RASGEF1C: variants seen among roughly 807,000 people sequenced by gnomAD.
RASGEF1C encodes the protein RasGEF domain family member 1C.
Under a neutral mutation model 58.1 loss-of-function variants are expected in RASGEF1C, and 27 were observed. The ratio of observed to expected loss-of-function variants is 0.46; its 90% CI spans 0.34 to 0.64. The LOEUF is 0.64. RASGEF1C is among the 30% of genes least tolerant of loss of function. The pLI, the probability that RASGEF1C is intolerant of heterozygous loss-of-function variation, is 0.01. For synonymous variants in RASGEF1C, 243 were observed against 246.3 expected, an observed-to-expected ratio of 0.99 and a Z score of 0.13; for missense variants, 502 against 605.1, an observed-to-expected ratio of 0.83 and a Z score of 1.79.
intron 1 of RASGEF1C, among the ~76,000 whole-genome samples, chr5:180,152,234 G>A (rs4700885): frequency 0.58 from 88,582 of 151,662 alleles, 27,148 homozygotes; most frequent in Non-Finnish European, 0.67. Flanking sequence ...TACCCAAAGG[G>A]TTATAAATCA....
At chr5:180,110,297 A>G (rs1342618854) in intron 12 of RASGEF1C, among the ~76,000 whole-genome samples, 1 of 152,010 alleles carries the variant, frequency 6.6e-6, no homozygotes, top group Non-Finnish European at 1.5e-5. Context: ...ATAGGGGTGA[A>G]AGCCCCTCCA....
intron 1 of RASGEF1C, among the ~76,000 whole-genome samples, chr5:180,145,792 T>C (rs1283696486): frequency 2.0e-5 from 3 of 152,236 alleles, no homozygotes; most frequent in Non-Finnish European, 4.4e-5. Flanking sequence ...CCCACAGAAC[T>C]GGAGCTCACG....
At chr5:180,140,085 GGGCCT>G (rs1264468432) in intron 1 of RASGEF1C, among the ~76,000 whole-genome samples, 1 of 152,174 alleles carries the variant, frequency 6.6e-6, no homozygotes, top group Non-Finnish European at 1.5e-5. Context: ...AGGGGACCTG[GGGCCT>G]GGCCTGGACC....
At chr5:180,133,570 C>G (rs1766405531) in intron 4 of RASGEF1C, among the ~76,000 whole-genome samples, 1 of 152,014 alleles carries the variant, frequency 6.6e-6, no homozygotes, top group African/African-American at 2.4e-5. Flanking sequence ...ACAGCACTTT[C>G]TATCATTTTA....
chr5:180,196,803 G>C (rs930291450), intron 1 of RASGEF1C, among the ~76,000 whole-genome samples: 2 of 152,082 alleles, frequency 1.3e-5, no homozygotes, highest in Non-Finnish European at 1.5e-5. Context: ...TTTGAAACAG[G>C]TATTTCTCTG....
At chr5:180,131,541 G>A (rs1443204377) in intron 4 of RASGEF1C, among the ~76,000 whole-genome samples, 2 of 152,198 alleles carry the variant, frequency 1.3e-5, no homozygotes, top group Non-Finnish European at 2.9e-5. Flanking sequence ...AAATGATTCT[G>A]TTCACGTGCA....
At chr5:180,114,060 T>C (rs1425248900) in intron 11 of RASGEF1C, among the ~76,000 whole-genome samples, 2 of 152,106 alleles carry the variant, frequency 1.3e-5, no homozygotes, top group African/African-American at 4.8e-5. Context: ...CCTGATAGCG[T>C]CCTCCTGCTA....
At chr5:180,118,329 A>G (rs1051036120) in intron 10 of RASGEF1C, among the ~76,000 whole-genome samples, 6 of 151,526 alleles carry the variant, frequency 4.0e-5, no homozygotes, top group African/African-American at 1.5e-4. Flanking sequence ...TGAGCAGAAG[A>G]CGAAGTGGCC....
chr5:180,179,016 C>A (rs964754331), intron 1 of RASGEF1C, among the ~76,000 whole-genome samples: 1 of 151,842 alleles, frequency 6.6e-6, no homozygotes, highest in African/African-American at 2.4e-5. Flanking sequence ...GGCCTGGGGC[C>A]GGGAGGAGGC....
At chr5:180,208,540 C>T (rs80053506) in intron 1 of RASGEF1C, among the ~76,000 whole-genome samples, 1,788 of 152,252 alleles carry the variant, frequency 0.012, 45 homozygotes, top group African/African-American at 0.041. Context: ...CTGATAGTGG[C>T]GCTGGTCCTT....
At chr5:180,107,247 C>A (rs996238780) in intron 12 of RASGEF1C, among the ~76,000 whole-genome samples, 42 of 152,114 alleles carry the variant, frequency 2.8e-4, no homozygotes, top group Admixed American at 2.1e-3. Flanking sequence ...TGTATTTAGA[C>A]CATTTACATT....
chr5:180,123,818 T>C (rs1245438127), intron 6 of RASGEF1C, among the ~76,000 whole-genome samples: 2 of 152,036 alleles, frequency 1.3e-5, no homozygotes, highest in African/African-American at 2.4e-5. Context: ...TCGGATAAGA[T>C]TGATAAAGAA....
At chr5:180,182,329 T>C (rs1767354439) in intron 1 of RASGEF1C, among the ~76,000 whole-genome samples, 1 of 151,430 alleles carries the variant, frequency 6.6e-6, no homozygotes, top group Admixed American at 6.6e-5. Context: ...TCTCGCTGAC[T>C]TCAAGAATGA....
chr5:180,145,755 T>C (rs1766653363), intron 1 of RASGEF1C, among the ~76,000 whole-genome samples: 1 of 152,300 alleles, frequency 6.6e-6, no homozygotes, highest in South Asian at 2.1e-4. Context: ...AGCCGTGGCG[T>C]TTCAAGACCC....
intron 10 of RASGEF1C, 125 bp from the exon 11 acceptor site, chr5:180,114,666 G>A: frequency 2.5e-6 from 2 of 814,738 alleles, no homozygotes; most frequent in Non-Finnish European, 3.8e-6. Context: ...GGGTGCAGAG[G>A]GCAGGGGAGA....
chr5:180,189,474 T>C (rs74511625), intron 1 of RASGEF1C, among the ~76,000 whole-genome samples: 1,782 of 152,332 alleles, frequency 0.012, 14 homozygotes, highest in African/African-American at 0.025. Context: ...TCAAGACTTA[T>C]TTAAAGCTAC....
At chr5:180,189,252 T>C (rs992382731) in intron 1 of RASGEF1C, among the ~76,000 whole-genome samples, 8 of 152,214 alleles carry the variant, frequency 5.3e-5, no homozygotes, top group African/African-American at 1.4e-4. Flanking sequence ...GGGCTGTAGA[T>C]GGAAAACTGC....
At chr5:180,132,759 A>G (rs1766392716) in intron 4 of RASGEF1C, among the ~76,000 whole-genome samples, 1 of 152,146 alleles carries the variant, frequency 6.6e-6, no homozygotes, top group Admixed American at 6.5e-5. Flanking sequence ...TCACGAGGTC[A>G]GGAGTTCGAG....
chr5:180,111,783 T>G (rs1328796499), intron 11 of RASGEF1C, among the ~76,000 whole-genome samples: 1 of 152,154 alleles, frequency 6.6e-6, no homozygotes, highest in Non-Finnish European at 1.5e-5. Flanking sequence ...TTTTATGTCA[T>G]TGTATTTACT....
Sources: gnomAD v4.1 joint callset for allele counts (sites outside exome capture counted in the v4.1 genomes callset) on GRCh38, gnomAD v4.1.1 for gene constraint, MANE v1.5 for transcripts, NCBI Gene and HGNC (gene_info 2026-07-23, HGNC 2026-07-21) for gene names.